UNC13A: variants seen among roughly 807,000 people sequenced by gnomAD.
UNC13A encodes the protein unc-13 homolog A, also known as protein unc-13 homolog A.
Under a neutral mutation model 219.7 loss-of-function variants are expected in UNC13A, and 61 were observed. The ratio of observed to expected loss-of-function variants is 0.28; its 90% CI spans 0.23 to 0.34. The LOEUF is 0.34. Ranked by LOEUF, UNC13A falls within the 10% of genes least tolerant of loss-of-function variation. The pLI, the probability that UNC13A is intolerant of heterozygous loss-of-function variation, is 1.00. For missense variants in UNC13A, 1,476 were observed against 2,270.3 expected (o/e 0.65, Z 7.11); for synonymous variants, 920 against 884.6 (o/e 1.04, Z -0.71).
At chr19:17,672,011 G>C (rs74180832) in intron 4 of UNC13A, among the ~76,000 whole-genome samples, 4,569 of 152,196 alleles carry the variant, frequency 0.03, 80 homozygotes, top group Non-Finnish European at 0.045. Flanking sequence ...TTCCAGCCTA[G>C]GACTACATTT....
chr19:17,679,046 C>T (rs1056336815), intron 1 of UNC13A, among the ~76,000 whole-genome samples: 4 of 152,050 alleles, frequency 2.6e-5, no homozygotes, highest in African/African-American at 9.7e-5. Context: ...ATCCCTTGAG[C>T]CCAGGAGTTC....
intron 3 of UNC13A, 127 bp from the exon 4 acceptor site, chr19:17,672,622 G>C (rs898538793): frequency 2.9e-5 from 19 of 661,900 alleles, no homozygotes; most frequent in Non-Finnish European, 3.3e-5. Flanking sequence ...GAGTGTCCTA[G>C]GTGGTAGGGT....
chr19:17,618,994 C>T, intron 38 of UNC13A, 32 bp from the exon 39 acceptor site: 2 of 1,610,084 alleles, frequency 1.2e-6, no homozygotes, highest in Non-Finnish European at 8.5e-7. Flanking sequence ...TGGGTGAGGG[C>T]AGGGGTGCTA....
At chr19:17,657,316 T>C (rs1180714113) in intron 9 of UNC13A, among the ~76,000 whole-genome samples, 3 of 152,190 alleles carry the variant, frequency 2.0e-5, no homozygotes, top group African/African-American at 7.2e-5. Flanking sequence ...GCACTTGCCG[T>C]GGTCTCTTCC....
chr19:17,620,669 C>T, intron 38 of UNC13A, 24 bp downstream of exon 38: 1 of 1,610,304 alleles, frequency 6.2e-7, no homozygotes. Flanking sequence ...GGGAGCCAGA[C>T]AGACAGTGAG....
chr19:17,612,718 C>T (rs1175916464), intron 41 of UNC13A, among the ~76,000 whole-genome samples: 1 of 152,092 alleles, frequency 6.6e-6, no homozygotes, highest in Admixed American at 6.6e-5. Flanking sequence ...GTGGGGCGTG[C>T]TTGTAGCCCC....
chr19:17,652,736 G>T, intron 11 of UNC13A, 59 bp from the exon 12 acceptor site: 2 of 1,598,306 alleles, frequency 1.3e-6, no homozygotes, highest in East Asian at 2.2e-5. Context: ...CCCAGAGCAG[G>T]CTCCACACCC....
At chr19:17,625,918 T>TATCC (rs1483515129) in intron 34 of UNC13A, among the ~76,000 whole-genome samples, 2 of 150,516 alleles carry the variant, frequency 1.3e-5, no homozygotes, top group Non-Finnish European at 3.0e-5. Context: ...TCTATTGACC[T>TATCC]ATCCATCCAT....
chr19:17,620,296 A>C (rs570871087), intron 38 of UNC13A, among the ~76,000 whole-genome samples: 98 of 152,202 alleles, frequency 6.4e-4, no homozygotes, highest in African/African-American at 2.3e-3. Flanking sequence ...ATTTGGAATT[A>C]TGTTCATAGT....
chr19:17,609,878 G>A (rs2076582953), intron 43 of UNC13A, 62 bp downstream of exon 43: 2 of 1,602,380 alleles, frequency 1.2e-6, no homozygotes, highest in South Asian at 2.2e-5. Context: ...GCTGGCTTTG[G>A]GGTTCACCTG....
At chr19:17,610,865 C>T (rs2076596006) in intron 42 of UNC13A, among the ~76,000 whole-genome samples, 1 of 152,056 alleles carries the variant, frequency 6.6e-6, no homozygotes, top group Non-Finnish European at 1.5e-5. Context: ...ACCATCTCTA[C>T]AAAAATATAA....
At chr19:17,662,057 C>A (rs2079559569) in intron 8 of UNC13A, among the ~76,000 whole-genome samples, 1 of 152,086 alleles carries the variant, frequency 6.6e-6, no homozygotes, top group African/African-American at 2.4e-5. Context: ...GCCTGGCCAA[C>A]ATGGTGAAAC....
chr19:17,630,575 C>T, intron 29 of UNC13A, 79 bp downstream of exon 29: 3 of 1,481,148 alleles, frequency 2.0e-6, no homozygotes, highest in Non-Finnish European at 2.8e-6. Context: ...AGAGACTGGC[C>T]TCATCTCAAG....
Position 17,631,188 on chromosome 19 carries a change from TTCCCTCCC to T in UNC13A, c.3429-446_3429-439del, listed in dbSNP as rs1555778894. On this transcript the variant is annotated intron_variant, in intron 28 of 43. Coordinates refer to ENST00000519716, the MANE Select transcript of UNC13A (RefSeq NM_001080421.3). ...CTCCCTCCCTCCCTCCTTTCCTTCC[TTCCCTCCC>T]TCCCTCCCTTCCTTCCTTCCTTCCT... 8.1e-3 allele frequency among the ~76,000 whole-genome samples: 205 copies of T among 25,228 alleles called. 9 individuals are homozygous for T. Among genetic ancestry groups the T allele is most frequent in the African/African-American group, 0.034 (182 of 5,416 alleles). The allele number at this position is 25,228 out of a possible 152,430, so 16.6% of individuals were successfully genotyped here. A position where few individuals can be genotyped will look rare whatever the true frequency, so the allele number is the denominator to read the frequency against.
intron 1 of UNC13A, among the ~76,000 whole-genome samples, chr19:17,677,957 G>GT (rs1420074903): frequency 1.3e-5 from 2 of 152,148 alleles, no homozygotes; most frequent in South Asian, 2.1e-4. Context: ...AATCCTTCAT[G>GT]TTTTTTCAGT....
At position 17,656,307 on chromosome 19, in the gene UNC13A, G is replaced by A; in HGVS notation, c.859C>T (p.Leu287=). 1 of 1,554,730 alleles carries A rather than the reference G, an allele frequency of 6.4e-7. No individual in the cohort carries two copies. Among genetic ancestry groups the A allele is most frequent in the Non-Finnish European group, 8.7e-7 (1 of 1,149,028 alleles). Residue 287 remains leucine, a synonymous_variant, in exon 10 of 44, where the codon CTG becomes TTG. Transcript: ENST00000519716. The part of the protein sequence containing the change: ...SEDFDPDEHS[L]QGSDMEDERD... ...TCATCCTCCATGTCGGAGCCCTGCA[G>A]GCTGTGCTCGTCAGGGTCGAAGTCC...
At position 17,649,351 on chromosome 19, in the gene UNC13A, T is replaced by A; in HGVS notation, c.1519-7A>T. ...CGCCATCACTCACCATGGCCTGAAG[T>A]GTCCACGCAGCACATGGGGGTAGAA... On this transcript the variant is annotated splice_region_variant and splice_polypyrimidine_tract_variant and intron_variant, in intron 13 of 43. Coordinates refer to ENST00000519716, the MANE Select transcript of UNC13A (RefSeq NM_001080421.3). The surrounding 1 kb of genome is among the most constrained non-coding windows in gnomAD (Gnocchi z 4.4). 6.3e-7 allele frequency: 1 copy of A among 1,596,612 alleles called. No individual in the cohort carries two copies. The highest frequency in any genetic ancestry group is 8.5e-7 in the Non-Finnish European group (1 of 1,174,668).
chr19:17,612,829 A>G lies in UNC13A; in HGVS notation c.4559-974T>C, dbSNP rs191755745. 7.8e-4 allele frequency among the ~76,000 whole-genome samples: 119 copies of G among 152,280 alleles called. 1 individual carries two copies. Among genetic ancestry groups the G allele is most frequent in the African/African-American group, 2.6e-3 (110 of 41,552 alleles). ...CACTGCACTTCAACCTGGGTGACAG[A>G]GCAAGACCCTGTCTCAGAAAATTAA... On this transcript the variant is annotated intron_variant, in intron 41 of 43. Coordinates refer to ENST00000519716, the MANE Select transcript of UNC13A (RefSeq NM_001080421.3).
chr19:17,675,916 A>T, intron 2 of UNC13A, 96 bp downstream of exon 2: 2 of 1,457,376 alleles, frequency 1.4e-6, no homozygotes, highest in Non-Finnish European at 1.9e-6. Context: ...CATAAAGCCC[A>T]ACTCTAAGTC....
Sources: gnomAD v4.1 joint callset for allele counts (sites outside exome capture counted in the v4.1 genomes callset) on GRCh38, gnomAD v4.1.1 for gene constraint, Gnocchi (gnomAD v3.1) non-coding constraint, MANE v1.5 for transcripts, NCBI Gene and HGNC (gene_info 2026-07-23, HGNC 2026-07-21) for gene names.